Variants in PCDHGA3 observed in about 807,000 individuals in gnomAD.
The protein encoded by PCDHGA3 is protocadherin gamma subfamily A, 3, also known as protocadherin gamma-A3.
Under a neutral mutation model 58.5 loss-of-function variants are expected in PCDHGA3, and 40 were observed. That is an observed-to-expected ratio of 0.68 (90% CI 0.53 to 0.89). The LOEUF (loss-of-function observed/expected upper bound fraction) is 0.89. Ranked by LOEUF, PCDHGA3 falls within the 40% of genes least tolerant of loss-of-function variation. The pLI is 0.00. For synonymous variants in PCDHGA3, 530 were observed against 525.7 expected, an observed-to-expected ratio of 1.01 and a Z score of -0.11; for missense variants, 1,223 against 1,195.9, an observed-to-expected ratio of 1.02 and a Z score of -0.33.
intron 1 of PCDHGA3, among the ~76,000 whole-genome samples, chr5:141,368,789 T>C (rs1765858310): frequency 6.6e-6 from 1 of 152,196 alleles, no homozygotes; most frequent in East Asian, 1.9e-4. Context: ...TGAAGAATAA[T>C]TTTTCATACT....
At chr5:141,389,408 G>A (rs2091745894) in intron 1 of PCDHGA3, 6 of 1,613,494 alleles carry the variant, frequency 3.7e-6, no homozygotes, top group Admixed American at 1.7e-5. Flanking sequence ...TAAGCGCGGA[G>A]AGCGGGGTGG....
At position 141,431,017 on chromosome 5, in the gene PCDHGA3, G is replaced by A. The variant is rs768036730; in HGVS notation, c.2425-63790G>A. 2.5e-6 allele frequency: 4 copies of A among 1,613,768 alleles called. No homozygotes were observed. Among genetic ancestry groups the A allele is most frequent in the South Asian group, 1.1e-5 (1 of 91,084 alleles). ...ATCCGCGCAGCGGCAGCTTGGTCAC[G>A]GCGGGCAGGATAGACCGGGAGGAGC... On this transcript the variant is annotated intron_variant, in intron 1 of 3. Transcript: ENST00000253812. This position sits in a 1 kb window ranked among gnomAD's most constrained non-coding sequence, Gnocchi z 4.8.
intron 1 of PCDHGA3, chr5:141,370,508 C>A: frequency 6.2e-7 from 1 of 1,613,908 alleles, no homozygotes. Context: ...ACGCTATTCC[C>A]GAGGAGCTGG....
chr5:141,383,085 C>T (rs773972778), intron 1 of PCDHGA3: 1 of 1,613,744 alleles, frequency 6.2e-7, no homozygotes, highest in Non-Finnish European at 8.5e-7. Flanking sequence ...TGGCGGAGCG[C>T]GGAGTCCGCA....
rs200369157 is a variant in PCDHGA3 at position 141,351,558 on chromosome 5, G to A, written c.2424+5101G>A. The stretch of plus-strand genomic sequence containing the variant: ...AAACCAGCCCTTTCCTCCAGGACAA[G>A]CATCACCCTGCACATCTCCGACATC... On this transcript the variant is annotated intron_variant, in intron 1 of 3. Transcript: ENST00000253812. 931 of 1,614,024 alleles carry A rather than the reference G, an allele frequency of 5.8e-4. 2 individuals carry two copies. The highest frequency in any genetic ancestry group is 8.9e-4 in the South Asian group (81 of 91,082).
chr5:141,384,126 C>A lies in PCDHGA3; in HGVS notation c.2424+37669C>A, dbSNP rs749225079. On this transcript the variant is annotated intron_variant, in intron 1 of 3. Transcript: ENST00000253812. ...ATTATAGATTGGTCACAACCAAAAA[C>A]TTGGACCGGGAAACACTCTCTTTGT... 4 of 1,610,820 alleles carry A rather than the reference C, an allele frequency of 2.5e-6. No individual in the cohort carries two copies. The Admixed American group carries it at 6.7e-5, about 27-fold the overall frequency.
chr5:141,351,750 T>A, intron 1 of PCDHGA3: 1 of 1,613,678 alleles, frequency 6.2e-7, no homozygotes, highest in South Asian at 1.1e-5. Flanking sequence ...CCGCGGGAGC[T>A]GTTGTCCTAC....
Position 141,413,628 on chromosome 5 carries a change from T to G in PCDHGA3, c.2424+67171T>G, listed in dbSNP as rs570797524. 4.3e-6 allele frequency: 7 copies of G among 1,613,878 alleles called. No homozygotes were observed. The African/African-American group carries it at 6.7e-5, about 15-fold the overall frequency. On this transcript the variant is annotated intron_variant, in intron 1 of 3. Coordinates refer to ENST00000253812, the MANE Select transcript of PCDHGA3 (RefSeq NM_018916.4). ...ACGTAAAAATTAATGAAAATGTCGC[T>G]GCGGGAATGCGTTTTCCTCTCCCGG...
At chr5:141,508,371 C>T (rs1250979168) in intron 3 of PCDHGA3, 1 of 152,226 alleles carries the variant, frequency 6.6e-6, no homozygotes, top group East Asian at 1.9e-4. Flanking sequence ...CAACTTCTTC[C>T]CCTCAGATTT....
chr5:141,508,971 T>C (rs776443205), intron 3 of PCDHGA3, among the ~76,000 whole-genome samples: 14 of 152,004 alleles, frequency 9.2e-5, no homozygotes, highest in Non-Finnish European at 2.1e-4. Context: ...ATGAAAGGGC[T>C]GGGGGTGGGG....
At chr5:141,390,859 T>C (rs951468573) in intron 1 of PCDHGA3, 3 of 151,114 alleles carry the variant, frequency 2.0e-5, no homozygotes, top group Admixed American at 1.3e-4. Flanking sequence ...CAGTGTACGC[T>C]GTGTGTGCGT....
chr5:141,347,084 CTCCT>C (rs140860697), intron 1 of PCDHGA3, among the ~76,000 whole-genome samples: 2,378 of 135,730 alleles, frequency 0.018, 72 homozygotes, highest in African/African-American at 0.063. Context: ...TCTCTCTTTC[CTCCT>C]TCCTTCCTTC....
In PCDHGA3 at chr5:141,465,057, A is replaced by T. The variant is rs1253395484; in HGVS notation, c.2425-29750A>T. 3.3e-5 allele frequency among the ~76,000 whole-genome samples: 5 copies of T among 151,646 alleles called. No homozygotes were observed. The East Asian group carries it at 9.6e-4, about 29-fold the overall frequency. ...ACAAATGACCCTATATATTTTTTTG[A>T]ATTGTCTGTTCATGTCTTATTTTCA... On this transcript the variant is annotated intron_variant, in intron 1 of 3. Coordinates refer to ENST00000253812, the MANE Select transcript of PCDHGA3 (RefSeq NM_018916.4).
At chr5:141,445,553 A>G (rs948468877) in intron 1 of PCDHGA3, among the ~76,000 whole-genome samples, 1 of 152,252 alleles carries the variant, frequency 6.6e-6, no homozygotes, top group Non-Finnish European at 1.5e-5. Context: ...ATACAAAAGC[A>G]CTAAGAGAAA....
At chr5:141,389,988 C>G in intron 1 of PCDHGA3, 1 of 1,614,036 alleles carries the variant, frequency 6.2e-7, no homozygotes, top group South Asian at 1.1e-5. Context: ...AGTGCTCTTC[C>G]TCGTGGCCAT....
chr5:141,468,180 C>T (rs1053758210), intron 1 of PCDHGA3, among the ~76,000 whole-genome samples: 4 of 151,744 alleles, frequency 2.6e-5, no homozygotes, highest in Non-Finnish European at 5.9e-5. Context: ...GAAAAATTTG[C>T]TGGGCATGGT....
chr5:141,432,706 C>T lies in PCDHGA3; in HGVS notation c.2425-62101C>T, dbSNP rs761752571. ...GCCTCGTAGTGGCCGTCCAGGACCA[C>T]GGCCAGCCCCCTCTCTCCGCCACTG... On this transcript the variant is annotated intron_variant, in intron 1 of 3. Transcript: ENST00000253812. The surrounding 1 kb of genome is among the most constrained non-coding windows in gnomAD (Gnocchi z 6.0). 10 of 1,613,870 alleles carry T rather than the reference C, an allele frequency of 6.2e-6. No homozygotes were observed. The East Asian group carries it at 1.1e-4, about 18-fold the overall frequency.
intron 2 of PCDHGA3, among the ~76,000 whole-genome samples, chr5:141,499,445 C>A (rs904360147): frequency 1.3e-5 from 2 of 152,062 alleles, no homozygotes; most frequent in African/African-American, 4.8e-5. Flanking sequence ...AAAGGAAAAC[C>A]ACCCATCATT....
intron 1 of PCDHGA3, chr5:141,374,416 G>T (rs1770482486): frequency 6.2e-7 from 1 of 1,613,830 alleles, no homozygotes; most frequent in Non-Finnish European, 8.5e-7. Flanking sequence ...TCCTTGTCGA[G>T]GATAAACTGA....
Sources: gnomAD v4.1 joint callset for allele counts (sites outside exome capture counted in the v4.1 genomes callset) on GRCh38, gnomAD v4.1.1 for gene constraint, Gnocchi (gnomAD v3.1) non-coding constraint, MANE v1.5 for transcripts, NCBI Gene and HGNC (gene_info 2026-07-23, HGNC 2026-07-21) for gene names.